RELN: variants seen among roughly 807,000 people sequenced by gnomAD.
RELN encodes the protein reelin.
In RELN, 108 loss-of-function variants were observed where a neutral mutation model predicts 427.6. The observed-to-expected ratio is 0.25, with a 90% CI of 0.22 to 0.30. RELN has a LOEUF of 0.30. Among genes scored for constraint, RELN ranks in the 10% least tolerant of loss-of-function variants. The pLI, the probability that RELN is intolerant of heterozygous loss-of-function variation, is 1.00. For missense variants in RELN, 3,715 were observed against 4,302.8 expected, an observed-to-expected ratio of 0.86 and a Z score of 3.82; for synonymous variants, 1,524 against 1,513.4, an observed-to-expected ratio of 1.01 and a Z score of -0.16.
At chr7:103,946,386 C>CA (rs796888863) in intron 1 of RELN, among the ~76,000 whole-genome samples, 42 of 150,920 alleles carry the variant, frequency 2.8e-4, no homozygotes, top group South Asian at 6.3e-4. Flanking sequence ...AAACATTGAA[C>CA]AAAAAAAAGG....
intron 3 of RELN, among the ~76,000 whole-genome samples, chr7:103,819,246 CAT>C (rs918722768): frequency 2.3e-4 from 35 of 152,008 alleles, no homozygotes; most frequent in African/African-American, 8.0e-4. Flanking sequence ...CTATTTATGA[CAT>C]ATATTTATTT....
Position 103,501,000 on chromosome 7 carries a change from A to G in RELN, c.8490-78T>C, listed in dbSNP as rs1423402062. The G allele has an allele frequency of 6.2e-6, 8 of 1,282,528 alleles. No individual in the cohort carries two copies. In the East Asian group the frequency reaches 1.8e-4, roughly 30 times the overall value. The allele number at this position is 1,282,528 out of a possible 1,614,324, so 79.4% of individuals were successfully genotyped here. A position where few individuals can be genotyped will look rare whatever the true frequency, so the allele number is the denominator to read the frequency against. ...GGTCCATTGTCCTGCATGTGTATTCAGTACTCAAGAGAAAAAACATTTAAG... is the reference window on the plus strand; with the variant it reads ...GGTCCATTGTCCTGCATGTGTATTCGGTACTCAAGAGAAAAAACATTTAAG... On this transcript the variant is annotated intron_variant, in intron 52 of 64. Coordinates refer to ENST00000428762, the MANE Select transcript of RELN (RefSeq NM_005045.4).
At chr7:103,591,508 G>A (rs1433711545) in intron 27 of RELN, among the ~76,000 whole-genome samples, 2 of 152,078 alleles carry the variant, frequency 1.3e-5, no homozygotes, top group Admixed American at 6.5e-5. Context: ...ATTTTATTGT[G>A]CACAATTTAT....
rs1833662789 is a variant in RELN at position 103,682,008 on chromosome 7, G to A, written c.1289+108C>T. ...GGCTTGTCTACGATAAGAATCATCA[G>A]TATTGATCTAAGTATGCTTTCGCCA... On this transcript the variant is annotated intron_variant, in intron 11 of 64. Coordinates refer to ENST00000428762, the MANE Select transcript of RELN (RefSeq NM_005045.4). 24 of 1,058,414 alleles carry A rather than the reference G, an allele frequency of 2.3e-5. No homozygotes were observed. In the South Asian group the frequency reaches 3.0e-4, roughly 13 times the overall value. 65.6% of individuals were successfully genotyped at this position (1,058,414 alleles called of 1,614,324 possible).
intron 41 of RELN, 94 bp downstream of exon 41, chr7:103,550,973 A>G (rs1026928528): frequency 2.0e-6 from 2 of 1,020,660 alleles, no homozygotes; most frequent in Non-Finnish European, 3.0e-6. Context: ...CGTCAGGTGG[A>G]AATTTCCCCA....
intron 8 of RELN, among the ~76,000 whole-genome samples, chr7:103,706,098 T>C (rs1016066442): frequency 2.6e-5 from 4 of 152,166 alleles, no homozygotes; most frequent in Admixed American, 2.0e-4. Context: ...TTCCCTACTC[T>C]TTACTGGACA....
rs184213455 is a variant in RELN at position 103,757,548 on chromosome 7, T to C, written c.545-4334A>G. ...TTGTCAAATGGCTTAAACTAGGGAG[T>C]TTTGGTTTCTGAGAATGAGAAAAAA... On this transcript the variant is annotated intron_variant, in intron 4 of 64. Coordinates refer to ENST00000428762, the MANE Select transcript of RELN (RefSeq NM_005045.4). 7.9e-4 allele frequency among the ~76,000 whole-genome samples: 120 copies of C among 152,160 alleles called. No homozygotes were observed. The Middle Eastern group carries it at 0.024, about 30-fold the overall frequency.
At chr7:103,637,302 C>T (rs1324859092) in intron 17 of RELN, among the ~76,000 whole-genome samples, 1 of 152,144 alleles carries the variant, frequency 6.6e-6, no homozygotes, top group Non-Finnish European at 1.5e-5. Context: ...TATAATGTTG[C>T]TCAATTGGTA....
chr7:103,698,490 A>G (rs1283844242), intron 9 of RELN, among the ~76,000 whole-genome samples: 1 of 152,156 alleles, frequency 6.6e-6, no homozygotes, highest in Non-Finnish European at 1.5e-5. Flanking sequence ...AGGTTACCCA[A>G]TAATAAGGAT....
chr7:103,764,834 CAA>C (rs545236187), intron 4 of RELN, among the ~76,000 whole-genome samples: 17 of 52,588 alleles, frequency 3.2e-4, no homozygotes, highest in African/African-American at 6.0e-4. Context: ...AGACTCCTCT[CAA>C]AAAAAAAAAA....
intron 11 of RELN, among the ~76,000 whole-genome samples, chr7:103,669,716 T>C (rs1040884309): frequency 3.3e-5 from 5 of 152,138 alleles, no homozygotes; most frequent in Non-Finnish European, 7.4e-5. Context: ...CAAAGGTATG[T>C]TACTTCTCTG....
intron 20 of RELN, among the ~76,000 whole-genome samples, chr7:103,617,514 G>A (rs1348321517): frequency 6.6e-6 from 1 of 150,466 alleles, no homozygotes; most frequent in Non-Finnish European, 1.5e-5. Flanking sequence ...ATATATGTGT[G>A]TGTGTATATA....
At chr7:103,627,858 G>C (rs1832360916) in intron 20 of RELN, 1 of 152,192 alleles carries the variant, frequency 6.6e-6, no homozygotes, top group Non-Finnish European at 1.5e-5. Context: ...CATCAGACTT[G>C]TGTGAAGGGA....
chr7:103,961,988 G>T (rs1796566771), intron 1 of RELN, among the ~76,000 whole-genome samples: 1 of 152,074 alleles, frequency 6.6e-6, no homozygotes, highest in Non-Finnish European at 1.5e-5. Context: ...TAGGGGTGAG[G>T]GGTGGAGAAG....
intron 28 of RELN, among the ~76,000 whole-genome samples, 172 bp downstream of exon 28, chr7:103,589,424 A>C (rs1831357096): frequency 6.6e-6 from 1 of 152,170 alleles, no homozygotes. Flanking sequence ...TCATGTTTTT[A>C]TGTTTCTCAG....
chr7:103,634,201 A>G (rs938764918), intron 19 of RELN, among the ~76,000 whole-genome samples: 2 of 152,076 alleles, frequency 1.3e-5, no homozygotes, highest in African/African-American at 2.4e-5. Flanking sequence ...CAGGGTGCCA[A>G]TGCAAACTTT....
Position 103,603,393 on chromosome 7 carries a change from C to T in RELN, c.3244G>A (p.Asp1082Asn). 1 of 1,613,924 alleles carries T rather than the reference C, an allele frequency of 6.2e-7. No homozygotes were observed. Among genetic ancestry groups the T allele is most frequent in the Non-Finnish European group, 8.5e-7 (1 of 1,179,860 alleles). The stretch of plus-strand genomic sequence containing the variant: ...TCTCCCCCAATAACTTCTTGCCAGT[C>T]AGACTCCCAGCCATTCTGGTTCTCA... ...DFENQNGWES[D>N]WQEVIGGEIV... The change falls in exon 24 of 65, where the codon GAC (aspartate) becomes AAC (asparagine). Residue 1082 changes from aspartate to asparagine, a missense_variant. Around this residue, in one of 4 missense-constraint regions of RELN, gnomAD observed 2,208 missense variants for 2,361.7 expected, o/e 0.93. Coordinates refer to ENST00000428762, the MANE Select transcript of RELN (RefSeq NM_005045.4). This position sits in a 1 kb window ranked among gnomAD's most constrained non-coding sequence, Gnocchi z 4.3.
At chr7:103,853,824 AG>A (rs1793880634) in intron 2 of RELN, among the ~76,000 whole-genome samples, 1 of 152,104 alleles carries the variant, frequency 6.6e-6, no homozygotes, top group Admixed American at 6.6e-5. Context: ...ATGATAAAAA[AG>A]TTTACTAATA....
chr7:103,749,632 G>C, intron 5 of RELN, 128 bp from the exon 6 acceptor site: 1 of 718,564 alleles, frequency 1.4e-6, no homozygotes, highest in Non-Finnish European at 2.5e-6. Context: ...ATGAGCAGTT[G>C]ATTATATTTG....
Sources: allele counts gnomAD v4.1 joint callset (sites outside exome capture counted in the v4.1 genomes callset), GRCh38; gene constraint gnomAD v4.1.1; regional missense constraint gnomAD v4.1.1; non-coding constraint Gnocchi (gnomAD v3.1); transcripts MANE v1.5; gene names NCBI Gene and HGNC (gene_info 2026-07-23, HGNC 2026-07-21).